MEGF11: variants seen among roughly 807,000 people sequenced by gnomAD.
The protein encoded by MEGF11 is multiple EGF like domains 11, also known as multiple epidermal growth factor-like domains protein 11.
MEGF11 carries 126 observed loss-of-function variants against 146.6 expected under a neutral mutation model. That is an observed-to-expected ratio of 0.86 (90% confidence interval 0.74 to 1.00). The LOEUF is 1.00. MEGF11 is among the 50% of genes least tolerant of loss of function. The pLI, the probability that MEGF11 is intolerant of heterozygous loss-of-function variation, is 0.00. For synonymous variants in MEGF11, 532 were observed against 583.4 expected (o/e 0.91, Z 1.27); for missense variants, 1,509 against 1,521.2 (o/e 0.99, Z 0.13).
At chr15:66,072,851 C>T (rs1194021015) in intron 5 of MEGF11, among the ~76,000 whole-genome samples, 1 of 152,224 alleles carries the variant, frequency 6.6e-6, no homozygotes, top group East Asian at 1.9e-4. Context: ...ATCTTCCTGA[C>T]TTGCTGTTGC....
chr15:66,112,234 T>C (rs1015983801), intron 4 of MEGF11, among the ~76,000 whole-genome samples: 1 of 152,004 alleles, frequency 6.6e-6, no homozygotes, highest in Non-Finnish European at 1.5e-5. Flanking sequence ...AAAAGAAATA[T>C]GTTTAAAATA....
chr15:66,123,214 G>T (rs1318351143), intron 3 of MEGF11, among the ~76,000 whole-genome samples: 2 of 152,210 alleles, frequency 1.3e-5, no homozygotes, highest in African/African-American at 2.4e-5. Flanking sequence ...ATAATCTGCA[G>T]GAGGGCTGCA....
At chr15:66,121,478 C>T (rs145447790) in intron 3 of MEGF11, among the ~76,000 whole-genome samples, 4 of 152,250 alleles carry the variant, frequency 2.6e-5, no homozygotes, top group Admixed American at 2.0e-4. Context: ...AAAACAACTA[C>T]CTGAAGGCAC....
At chr15:66,022,342 C>T (rs1567206041) in intron 5 of MEGF11, among the ~76,000 whole-genome samples, 1 of 152,258 alleles carries the variant, frequency 6.6e-6, no homozygotes, top group East Asian at 1.9e-4. Context: ...GATGGTCATG[C>T]CCAATGGCCT....
At chr15:65,944,541 G>A (rs567697737) in intron 10 of MEGF11, among the ~76,000 whole-genome samples, 7 of 152,258 alleles carry the variant, frequency 4.6e-5, no homozygotes, top group Admixed American at 3.9e-4. Flanking sequence ...GAGCCTGGAG[G>A]TCAGGCTGGG....
chr15:65,912,080 A>C lies in MEGF11; in HGVS notation c.2829+2T>G, dbSNP rs2078830334. 7.3e-6 allele frequency: 9 copies of C among 1,230,758 alleles called. No homozygotes were observed. In the South Asian group the frequency reaches 3.7e-4, roughly 51 times the overall value. The allele number at this position is 1,230,758 out of a possible 1,614,324, so 76.2% of individuals were successfully genotyped here. On this transcript the variant is annotated splice_donor_variant, in intron 21 of 25. Transcript: ENST00000395614. LOFTEE classifies it high-confidence loss of function. ...GGGGCTGGGGAATCAGGGGCCCGGT[A>C]CCTTGGTGGGGCTGTTCCTGTCCAG...
In MEGF11 at chr15:65,943,274, C is replaced by T. The variant is rs191038703; in HGVS notation, c.1288-12331G>A. Among the ~76,000 whole-genome samples the T allele has an allele frequency of 1.9e-4, 29 of 152,262 alleles. 1 individual carries two copies. In the East Asian group the frequency reaches 5.0e-3, roughly 26 times the overall value. ...ATTACAGGCATGAGCCACCACGTTC[C>T]ACCCAAACCTTGTCATTTTTAAGTG... is the stretch of plus-strand genomic sequence containing the variant. On this transcript the variant is annotated intron_variant, in intron 10 of 25. Transcript: ENST00000395614.
chr15:65,934,540 T>C lies in MEGF11; in HGVS notation c.1288-3597A>G, dbSNP rs570759548. ...TGCTGGGATTACAGGTGTGAGCCAC[T>C]GCACCTGGCCAAAAGTGAGGTCGTT... On this transcript the variant is annotated intron_variant, in intron 10 of 25. Coordinates refer to ENST00000395614, the MANE Select transcript of MEGF11 (RefSeq NM_001385028.1). 3.9e-5 allele frequency among the ~76,000 whole-genome samples: 6 copies of C among 152,172 alleles called. No individual in the cohort carries two copies. The South Asian group carries it at 1.2e-3, about 32-fold the overall frequency.
chr15:66,150,651 A>G (rs993473803), intron 1 of MEGF11, among the ~76,000 whole-genome samples: 1 of 152,142 alleles, frequency 6.6e-6, no homozygotes, highest in Admixed American at 6.5e-5. Flanking sequence ...GAAGGAAGAA[A>G]GGAAGGGGTT....
chr15:65,897,840 G>A lies in MEGF11; in HGVS notation c.*94C>T. On this transcript the variant is annotated 3_prime_UTR_variant, in exon 26 of 26. Coordinates refer to ENST00000395614, the MANE Select transcript of MEGF11 (RefSeq NM_001385028.1). ...ACGTAATAACTAACATGCAGCTGGAGCCAGTCTGTACCATTACTTCAAGTC... is the reference window on the plus strand; with the variant it reads ...ACGTAATAACTAACATGCAGCTGGAACCAGTCTGTACCATTACTTCAAGTC... The A allele has an allele frequency of 8.5e-7, 1 of 1,171,410 alleles. No homozygotes were observed. The highest frequency in any genetic ancestry group is 1.2e-6 in the Non-Finnish European group (1 of 840,810). The allele number at this position is 1,171,410 out of a possible 1,614,324, so 72.6% of individuals were successfully genotyped here.
chr15:66,124,791 A>G (rs2088251430), intron 2 of MEGF11, among the ~76,000 whole-genome samples: 1 of 152,242 alleles, frequency 6.6e-6, no homozygotes, highest in Non-Finnish European at 1.5e-5. Context: ...TAACCAAAAT[A>G]AGCCTTTCTA....
At chr15:66,211,993 T>TGAAGGG (rs2091467441) in intron 1 of MEGF11, among the ~76,000 whole-genome samples, 1 of 152,206 alleles carries the variant, frequency 6.6e-6, no homozygotes, top group Non-Finnish European at 1.5e-5. Flanking sequence ...AGAATTTCTC[T>TGAAGGG]CAAAAGCATT....
chr15:65,955,793 T>TATATATATATACACAC (rs1555455862), intron 10 of MEGF11, among the ~76,000 whole-genome samples: 1 of 6,780 alleles, frequency 1.5e-4, no homozygotes, highest in African/African-American at 3.2e-4. Flanking sequence ...TATATATATA[T>TATATATATATACACAC]ACACACACAC....
chr15:66,150,422 T>G (rs2089519664), intron 1 of MEGF11, among the ~76,000 whole-genome samples: 1 of 152,214 alleles, frequency 6.6e-6, no homozygotes, highest in Non-Finnish European at 1.5e-5. Context: ...AGGGAACTAC[T>G]CAGAATGAAG....
rs186391052 is a variant in MEGF11 at position 66,031,456 on chromosome 15, G to A, written c.395-48968C>T. ...AGATCACTACACTCTCTCCCATGGA[G>A]GCCGGGCTGGGGTTCTACCTCAATC... On this transcript the variant is annotated intron_variant, in intron 5 of 25. Coordinates refer to ENST00000395614, the MANE Select transcript of MEGF11 (RefSeq NM_001385028.1). 8.1e-4 allele frequency among the ~76,000 whole-genome samples: 124 copies of A among 152,328 alleles called. No individual in the cohort carries two copies. In the Middle Eastern group the frequency reaches 0.014, roughly 17 times the overall value.
chr15:66,171,643 G>T (rs1158359036), intron 1 of MEGF11, among the ~76,000 whole-genome samples: 2 of 151,822 alleles, frequency 1.3e-5, no homozygotes, highest in Non-Finnish European at 2.9e-5. Context: ...AAACCACATG[G>T]GGACTCCTCC....
Position 66,144,618 on chromosome 15 carries a change from C to T in MEGF11, c.-8-16207G>A, listed in dbSNP as rs369248614. On this transcript the variant is annotated intron_variant, in intron 1 of 25. Coordinates refer to ENST00000395614, the MANE Select transcript of MEGF11 (RefSeq NM_001385028.1). ...TCACTCTAACAGGAATGCCCACTGA[C>T]CCCTCCCCTTAGCAGCTATACAGCA... 1.1e-4 allele frequency among the ~76,000 whole-genome samples: 16 copies of T among 152,292 alleles called. No individual in the cohort carries two copies. The East Asian group carries it at 2.7e-3, about 26-fold the overall frequency.
intron 11 of MEGF11, among the ~76,000 whole-genome samples, chr15:65,930,088 GGT>G (rs2079520065): frequency 1.3e-5 from 2 of 152,190 alleles, no homozygotes; most frequent in African/African-American, 4.8e-5. Flanking sequence ...CCTGCCTCCG[GGT>G]GCTCATTGTT....
chr15:65,984,525 CAAAAAAAAA>C (rs35017296), intron 5 of MEGF11, among the ~76,000 whole-genome samples: 9 of 49,518 alleles, frequency 1.8e-4, no homozygotes, highest in Non-Finnish European at 2.0e-4. Context: ...GACTCCGTGT[CAAAAAAAAA>C]AAAAAAAAAA....
Sources: gnomAD v4.1 joint callset for allele counts (sites outside exome capture counted in the v4.1 genomes callset) on GRCh38, gnomAD v4.1.1 for gene constraint, MANE v1.5 for transcripts, NCBI Gene and HGNC (gene_info 2026-07-23, HGNC 2026-07-21) for gene names.